Variants in NDP observed in about 807,000 individuals in gnomAD.
NDP encodes norrin cystine knot growth factor NDP.
In NDP, 2 loss-of-function variants were observed where a neutral mutation model predicts 8.4. The observed-to-expected ratio is 0.24, with a 90% CI of 0.10 to 0.75. The LOEUF (loss-of-function observed/expected upper bound fraction) is 0.75, where lower values mean the gene tolerates loss of function less well. NDP is among the 30% of genes least tolerant of loss of function. NDP has a pLI of 0.73. For synonymous variants in NDP, 55 were observed against 45.6 expected, an observed-to-expected ratio of 1.21 and a Z score of -0.83; for missense variants, 81 against 110.1, an observed-to-expected ratio of 0.74 and a Z score of 1.18.
intron 1 of NDP, among the ~76,000 whole-genome samples, chrX:43,966,080 T>A (rs767374685): frequency 7.8e-4 from 88 of 112,446 alleles, no homozygotes; most frequent in African/African-American, 2.4e-3. Flanking sequence ...AAATTGGAAA[T>A]GACCAAGTCA....
intron 1 of NDP, among the ~76,000 whole-genome samples, chrX:43,960,425 C>T (rs945499956): frequency 4.5e-5 from 5 of 112,178 alleles, no homozygotes; most frequent in East Asian, 2.8e-4. Context: ...CCAAAGTTGA[C>T]GAGACCATAT....
At position 43,949,986 on chromosome X, in the gene NDP, G is replaced by T. The variant is rs2035751656; in HGVS notation, c.215C>A (p.Ala72Glu). 8.3e-7 allele frequency: 1 copy of T among 1,205,488 alleles called. No individual in the cohort carries two copies. The highest frequency in any genetic ancestry group is 2.2e-5 in the Admixed American group (1 of 45,400). The change falls in exon 3 of 3, where the codon GCG becomes GAG. Residue 72 changes from alanine to glutamate, a missense_variant. Ala to Glu is a moderately radical substitution (Grantham distance 107). Coordinates refer to ENST00000642620, the MANE Select transcript of NDP (RefSeq NM_000266.4). Reference sequence around the variant, plus strand: ...CGACACCAAAGGCTCGGAGCGTGACGCCTGGCTGCAGTGCCCCTCGCACCT... The same window carrying T: ...CGACACCAAAGGCTCGGAGCGTGACTCCTGGCTGCAGTGCCCCTCGCACCT... ...LARCEGHCSQ[A>E]SRSEPLVSFS...
At chrX:43,953,725 T>C (rs1281231986) in intron 2 of NDP, among the ~76,000 whole-genome samples, 1 of 113,333 alleles carries the variant, frequency 8.8e-6, no homozygotes, top group Admixed American at 9.3e-5. Context: ...CAAACTCACA[T>C]AGGTGGTAAA....
In NDP at chrX:43,950,032, G is replaced by T. The variant is rs1221510546; in HGVS notation, c.175-6C>A. ...CACCTGGCCAGGAGCACCATCTGGG[G>T]AAAGAAAAGGAGGTGGTTACTCTGT... On this transcript the variant is annotated splice_polypyrimidine_tract_variant and splice_region_variant and intron_variant, in intron 2 of 2. Transcript: ENST00000642620. 2 of 1,183,634 alleles carry T rather than the reference G, an allele frequency of 1.7e-6. No homozygotes were observed. Among genetic ancestry groups the T allele is most frequent in the Non-Finnish European group, 2.3e-6 (2 of 877,727 alleles).
At chrX:43,962,819 G>T in intron 1 of NDP, among the ~76,000 whole-genome samples, 1 of 111,781 alleles carries the variant, frequency 8.9e-6, no homozygotes, top group East Asian at 2.8e-4. Flanking sequence ...TGGCGTGCCC[G>T]ACTTTGGAGC....
intron 2 of NDP, among the ~76,000 whole-genome samples, chrX:43,956,326 A>G (rs2035792617): frequency 1.8e-5 from 2 of 112,007 alleles, no homozygotes; most frequent in Non-Finnish European, 3.8e-5. Flanking sequence ...TGTTTAATAA[A>G]TAATGACCCT....
intron 1 of NDP, among the ~76,000 whole-genome samples, chrX:43,966,174 A>C (rs2035856853): frequency 8.9e-6 from 1 of 111,846 alleles, no homozygotes. Context: ...CAGCTACCCA[A>C]ATAAAAGCTG....
chrX:43,949,653 T>C lies in NDP; in HGVS notation c.*146A>G. ...GTATCTCTCTCTGTCAACAAGCATG[T>C]AGAGTCTTTATTACTAGAATATGCA... On this transcript the variant is annotated 3_prime_UTR_variant, in exon 3 of 3. Coordinates refer to ENST00000642620, the MANE Select transcript of NDP (RefSeq NM_000266.4). 1 of 538,125 alleles carries C rather than the reference T, an allele frequency of 1.9e-6. No homozygotes were observed. Among genetic ancestry groups the C allele is most frequent in the South Asian group, 2.7e-5 (1 of 37,451 alleles). 44.3% of individuals were successfully genotyped at this position (538,125 alleles called of 1,213,427 possible).
At chrX:43,967,444 C>T (rs1211902335) in intron 1 of NDP, among the ~76,000 whole-genome samples, 2 of 56,548 alleles carry the variant, frequency 3.5e-5, no homozygotes, top group Non-Finnish European at 7.1e-5. Context: ...ATGTGTGTAC[C>T]TCCATTTTAC....
chrX:43,967,300 A>T (rs1262577579), intron 1 of NDP, among the ~76,000 whole-genome samples: 1 of 111,644 alleles, frequency 9.0e-6, no homozygotes, highest in Non-Finnish European at 1.9e-5. Context: ...ACAGCAATGC[A>T]ATGAGCCCTA....
Position 43,958,712 on chromosome X carries a change from C to T in NDP, c.-67G>A, listed in dbSNP as rs764991764. On this transcript the variant is annotated 5_prime_UTR_variant, in exon 2 of 3. Coordinates refer to ENST00000642620, the MANE Select transcript of NDP (RefSeq NM_000266.4). Reference sequence around the variant, plus strand: ...GCAGAGGACAAAAAATTGGAAATGGCTTCACCTCCTAGGATCCAGTCCCGT... The same window carrying T: ...GCAGAGGACAAAAAATTGGAAATGGTTTCACCTCCTAGGATCCAGTCCCGT... 9.3e-6 allele frequency: 9 copies of T among 964,718 alleles called. No homozygotes were observed. Among genetic ancestry groups the T allele is most frequent in the Non-Finnish European group, 1.0e-5 (7 of 678,531 alleles). 79.5% of individuals were successfully genotyped at this position (964,718 alleles called of 1,213,427 possible). A position where few individuals can be genotyped will look rare whatever the true frequency, so the allele number is the denominator to read the frequency against.
intron 1 of NDP, among the ~76,000 whole-genome samples, chrX:43,972,780 A>G (rs2035898570): frequency 8.9e-6 from 1 of 112,743 alleles, no homozygotes; most frequent in South Asian, 3.7e-4. Flanking sequence ...AATGTTGCCT[A>G]TTGTTTGAAG....
intron 1 of NDP, among the ~76,000 whole-genome samples, chrX:43,966,885 T>C (rs759792858): frequency 8.9e-6 from 1 of 111,852 alleles, no homozygotes; most frequent in East Asian, 2.8e-4. Context: ...TGTAGAGCCC[T>C]TAGTTAGGAA....
At position 43,958,824 on chromosome X, in the gene NDP, A is replaced by C; in HGVS notation, c.-179T>G. The C allele has an allele frequency of 2.1e-6, 1 of 472,697 alleles. No individual in the cohort carries two copies. Among genetic ancestry groups the C allele is most frequent in the Non-Finnish European group, 3.8e-6 (1 of 266,222 alleles). The allele number at this position is 472,697 out of a possible 1,213,427, so 39.0% of individuals were successfully genotyped here. On this transcript the variant is annotated 5_prime_UTR_variant, in exon 2 of 3. It adds an upstream start codon to the 5' untranslated region. Coordinates refer to ENST00000642620, the MANE Select transcript of NDP (RefSeq NM_000266.4). Reference sequence around the variant, plus strand: ...GTTTTGTCTTACTCTTTGCACTTGCAATCCATCATCACAGTATCTGCTGCA... The same window carrying C: ...GTTTTGTCTTACTCTTTGCACTTGCCATCCATCATCACAGTATCTGCTGCA...
intron 1 of NDP, among the ~76,000 whole-genome samples, chrX:43,965,284 T>C: frequency 9.1e-6 from 1 of 110,082 alleles, no homozygotes; most frequent in Non-Finnish European, 1.9e-5. Context: ...CCAGGCATGG[T>C]GGTACACGCT....
Position 43,962,702 on chromosome X carries a change from G to A in NDP, c.-207-3850C>T, listed in dbSNP as rs750903771. ...CTGAACTCAGTAGCCCTGTGGCCACGCTATGCTCTGGATACAGTCTCTGAG... is the reference window on the plus strand; with the variant it reads ...CTGAACTCAGTAGCCCTGTGGCCACACTATGCTCTGGATACAGTCTCTGAG... On this transcript the variant is annotated intron_variant, in intron 1 of 2. Coordinates refer to ENST00000642620, the MANE Select transcript of NDP (RefSeq NM_000266.4). Among the ~76,000 whole-genome samples the A allele has an allele frequency of 1.8e-4, 20 of 111,861 alleles. No homozygotes were observed. The South Asian group carries it at 5.7e-3, about 32-fold the overall frequency.
chrX:43,965,935 T>C (rs895908803), intron 1 of NDP, among the ~76,000 whole-genome samples: 1 of 111,385 alleles, frequency 9.0e-6, no homozygotes, highest in Admixed American at 9.5e-5. Flanking sequence ...GGCACTTGGA[T>C]CCTGTGCTGA....
intron 1 of NDP, chrX:43,966,526 G>T (rs1008631149): frequency 3.6e-5 from 4 of 111,792 alleles, no homozygotes; most frequent in Non-Finnish European, 7.5e-5. Context: ...AGACCCTTTA[G>T]AAGGAAAATA....
At chrX:43,953,644 A>G (rs1437930053) in intron 2 of NDP, among the ~76,000 whole-genome samples, 1 of 101,947 alleles carries the variant, frequency 9.8e-6, no homozygotes, top group Non-Finnish European at 2.1e-5. Context: ...CCTACAAGAA[A>G]GTACTGTTAT....
Sources: allele counts gnomAD v4.1 joint callset (sites outside exome capture counted in the v4.1 genomes callset), GRCh38; gene constraint gnomAD v4.1.1; transcripts MANE v1.5; gene names NCBI Gene and HGNC (gene_info 2026-07-23, HGNC 2026-07-21).